FAM120A: variants seen among roughly 807,000 people sequenced by gnomAD.
FAM120A encodes family with sequence similarity 120 member A, also known as constitutive coactivator of PPAR-gamma-like protein 1.
Under a neutral mutation model 109.7 loss-of-function variants are expected in FAM120A, and 15 were observed. That is an observed-to-expected ratio of 0.14 (90% CI 0.09 to 0.21). The LOEUF (loss-of-function observed/expected upper bound fraction) is 0.21. Ranked by LOEUF, FAM120A falls within the 10% of genes least tolerant of loss-of-function variation. The pLI is 1.00. For synonymous variants in FAM120A, 493 were observed against 572.8 expected (o/e 0.86, Z 1.99); for missense variants, 899 against 1,439.3 (o/e 0.62, Z 6.07).
At chr9:93,561,799 A>AT (rs1390058199) in intron 16 of FAM120A, among the ~76,000 whole-genome samples, 1 of 152,198 alleles carries the variant, frequency 6.6e-6, no homozygotes, top group African/African-American at 2.4e-5. Context: ...TAACCATACA[A>AT]TTTTCAATTA....
intron 1 of FAM120A, among the ~76,000 whole-genome samples, chr9:93,456,951 T>A (rs1373743013): frequency 6.6e-6 from 1 of 152,208 alleles, no homozygotes; most frequent in Non-Finnish European, 1.5e-5. Flanking sequence ...CTGACCATAT[T>A]ATACCTCAAA....
Position 93,532,603 on chromosome 9 carries a change from G to C in FAM120A, c.1909+274G>C, listed in dbSNP as rs181328921. The C allele has an allele frequency of 4.9e-6, 2 of 408,434 alleles. No homozygotes were observed. The highest frequency in any genetic ancestry group is 4.0e-5 in the African/African-American group (2 of 49,486). The allele number at this position is 408,434 out of a possible 1,614,324, so 25.3% of individuals were successfully genotyped here. A position where few individuals can be genotyped will look rare whatever the true frequency, so the allele number is the denominator to read the frequency against. On this transcript the variant is annotated intron_variant, in intron 10 of 17. Coordinates refer to ENST00000277165, the MANE Select transcript of FAM120A (RefSeq NM_014612.5). The surrounding 1 kb of genome is among the most constrained non-coding windows in gnomAD (Gnocchi z 4.3). Reference sequence around the variant, plus strand: ...CTTTAAAGTGAATGTTGATCTGAAAGCAGACTTGAATTGCCGCCACTCTCT... The same window carrying C: ...CTTTAAAGTGAATGTTGATCTGAAACCAGACTTGAATTGCCGCCACTCTCT...
intron 7 of FAM120A, among the ~76,000 whole-genome samples, chr9:93,524,254 T>C (rs929765501): frequency 5.9e-5 from 9 of 152,272 alleles, no homozygotes; most frequent in Non-Finnish European, 1.0e-4. Flanking sequence ...AAGTCAGTTT[T>C]TACTTAACGT....
intron 11 of FAM120A, among the ~76,000 whole-genome samples, chr9:93,545,530 C>T (rs1389397749): frequency 6.6e-6 from 1 of 152,212 alleles, no homozygotes; most frequent in African/African-American, 2.4e-5. Flanking sequence ...GGGCCTGTCT[C>T]ACCCTCTGGG....
At chr9:93,497,624 A>G in intron 4 of FAM120A, 25 bp downstream of exon 4, 1 of 1,590,792 alleles carries the variant, frequency 6.3e-7, no homozygotes, top group Non-Finnish European at 8.5e-7. Flanking sequence ...AAACAAAACA[A>G]AAAAACAGAT....
rs780843907 is a variant in FAM120A at position 93,498,877 on chromosome 9, C to T, written c.1021C>T (p.His341Tyr). 2.3e-5 allele frequency: 37 copies of T among 1,584,010 alleles called. No individual in the cohort carries two copies. Among genetic ancestry groups the T allele is most frequent in the Non-Finnish European group, 3.0e-5 (35 of 1,152,736 alleles). ...TSKPMSFHPP[H>Y]YLAARPGPFG... is the part of the protein sequence containing the mutation. ...TAAGCCTATGTCATTTCATCCACCA[C>T]ATTACTTAGGTAAGTAAATAAAAGC... is the stretch of plus-strand genomic sequence containing the variant. Residue 341 changes from histidine (H) to tyrosine (Y), a missense_variant, in exon 5 of 18, where the codon CAT becomes TAT. By Grantham distance (83) the His-to-Tyr change is moderately conservative. This residue lies in a region of FAM120A where 258 missense variants were observed against 451.4 expected (regional missense o/e 0.57). Coordinates refer to ENST00000277165, the MANE Select transcript of FAM120A (RefSeq NM_014612.5). This position sits in a 1 kb window ranked among gnomAD's most constrained non-coding sequence, Gnocchi z 4.4.
At position 93,451,693 on chromosome 9, in the gene FAM120A, C is replaced by CGCAGCGGCG. The variant is rs905814695; in HGVS notation, c.-211_-203dup. Reference sequence around the variant, plus strand: ...TCAGCCTCGGCCTCGGCCTCGGCCTCGCAGCGGCGGCAGCGGCGGCGGCGG... The same window carrying CGCAGCGGCG: ...TCAGCCTCGGCCTCGGCCTCGGCCTCGCAGCGGCGGCAGCGGCGGCAGCGGCGGCGGCGG... On this transcript the variant is annotated 5_prime_UTR_variant, in exon 1 of 18. Transcript: ENST00000277165. 1.6e-5 allele frequency: 16 copies of CGCAGCGGCG among 985,086 alleles called. 1 individual carries two copies. Among genetic ancestry groups the CGCAGCGGCG allele is most frequent in the Middle Eastern group, 1.0e-3 (2 of 1,938 alleles). 61.0% of individuals were successfully genotyped at this position (985,086 alleles called of 1,614,324 possible).
At chr9:93,556,753 A>G (rs765201798) in intron 13 of FAM120A, among the ~76,000 whole-genome samples, 162 bp downstream of exon 13, 16 of 152,192 alleles carry the variant, frequency 1.1e-4, no homozygotes, top group Admixed American at 2.6e-4. Context: ...AGTACCCAGG[A>G]TGAGCCAAGC....
intron 12 of FAM120A, among the ~76,000 whole-genome samples, chr9:93,554,187 T>G (rs1862212158): frequency 1.6e-5 from 1 of 63,840 alleles, no homozygotes; most frequent in Non-Finnish European, 3.5e-5. Context: ...ACACTAGCCT[T>G]GCTGCATTCT....
chr9:93,562,232 C>A lies in FAM120A; in HGVS notation c.2973C>A (p.Thr991=). ...ARGRPRGVIS[T]PVIRTFGRGG... The stretch of plus-strand genomic sequence containing the variant: ...GGCGTCCAAGAGGAGTTATTTCCAC[C>A]CCAGTGATTAGAACATTTGGAAGAG... The change falls in exon 17 of 18, where the codon ACC becomes ACA. Residue 991 remains threonine (T), a synonymous_variant. Coordinates refer to ENST00000277165, the MANE Select transcript of FAM120A (RefSeq NM_014612.5). 1 of 1,614,002 alleles carries A rather than the reference C, an allele frequency of 6.2e-7. No homozygotes were observed. The highest frequency in any genetic ancestry group is 8.5e-7 in the Non-Finnish European group (1 of 1,179,914).
intron 7 of FAM120A, among the ~76,000 whole-genome samples, chr9:93,518,125 A>T (rs1301647366): frequency 1.3e-5 from 2 of 152,168 alleles, no homozygotes; most frequent in Admixed American, 6.5e-5. Flanking sequence ...TACACCCTAT[A>T]ATAAGGAAGA....
chr9:93,495,916 T>C (rs945163355), intron 3 of FAM120A, among the ~76,000 whole-genome samples: 2 of 152,268 alleles, frequency 1.3e-5, no homozygotes, highest in Non-Finnish European at 2.9e-5. Flanking sequence ...ACCCTGCCAC[T>C]GCTTTATCAA....
Position 93,471,146 on chromosome 9 carries a change from A to G in FAM120A, c.480A>G (p.Ala160=). Reference sequence around the variant, plus strand: ...GTTTTTTTCTCGTTTGCCAGGTTGCACAGAGCATTGAGGATCACCATCAGG... The same window carrying G: ...GTTTTTTTCTCGTTTGCCAGGTTGCGCAGAGCATTGAGGATCACCATCAGG... ...LALIRFHVKV[A]QSIEDHHQEV... is the part of the protein sequence containing the mutation. The change falls in exon 2 of 18, where the codon GCA becomes GCG. Residue 160 remains alanine (A), a synonymous_variant. Coordinates refer to ENST00000277165, the MANE Select transcript of FAM120A (RefSeq NM_014612.5). 1 of 1,614,180 alleles carries G rather than the reference A, an allele frequency of 6.2e-7. No individual in the cohort carries two copies. The highest frequency in any genetic ancestry group is 8.5e-7 in the Non-Finnish European group (1 of 1,180,024).
intron 12 of FAM120A, among the ~76,000 whole-genome samples, chr9:93,553,804 T>G (rs1266577731): frequency 6.6e-6 from 1 of 152,180 alleles, no homozygotes; most frequent in African/African-American, 2.4e-5. Context: ...CTATGTTGTT[T>G]AGAGATGGCA....
At chr9:93,552,892 C>T (rs1242382023) in intron 12 of FAM120A, among the ~76,000 whole-genome samples, 5 of 152,146 alleles carry the variant, frequency 3.3e-5, no homozygotes, top group Admixed American at 6.5e-5. Flanking sequence ...TCCCATTTAT[C>T]GTCCACTCTG....
chr9:93,461,819 G>A (rs76149773), intron 1 of FAM120A, among the ~76,000 whole-genome samples: 2 of 152,058 alleles, frequency 1.3e-5, no homozygotes, highest in Non-Finnish European at 2.9e-5. Context: ...GGAGCATTTT[G>A]GATTTTTGAT....
intron 3 of FAM120A, among the ~76,000 whole-genome samples, chr9:93,489,924 G>T (rs1490084348): frequency 3.3e-5 from 5 of 152,190 alleles, no homozygotes; most frequent in Admixed American, 3.3e-4. Flanking sequence ...GTTTCTTGGG[G>T]ACTACACTTT....
rs552677768 is a variant in FAM120A at position 93,533,241 on chromosome 9, C to T, written c.1909+912C>T. 2.6e-5 allele frequency among the ~76,000 whole-genome samples: 4 copies of T among 152,306 alleles called. No homozygotes were observed. In the South Asian group the frequency reaches 8.3e-4, roughly 32 times the overall value. ...CTCCTGAGATGGTGAAGCTCCTTGT[C>T]AGCACTGACTGTGTGCAGTGCTGAG... On this transcript the variant is annotated intron_variant, in intron 10 of 17. Transcript: ENST00000277165.
chr9:93,460,572 T>C (rs890319931), intron 1 of FAM120A, among the ~76,000 whole-genome samples: 1 of 152,182 alleles, frequency 6.6e-6, no homozygotes, highest in Non-Finnish European at 1.5e-5. Flanking sequence ...CCTGACCTCG[T>C]GATCCACCCG....
Sources: gnomAD v4.1 joint callset for allele counts (sites outside exome capture counted in the v4.1 genomes callset) on GRCh38, gnomAD v4.1.1 for gene constraint, gnomAD v4.1.1 regional missense constraint, Gnocchi (gnomAD v3.1) non-coding constraint, MANE v1.5 for transcripts, NCBI Gene and HGNC (gene_info 2026-07-23, HGNC 2026-07-21) for gene names.